TACC2: variants seen among roughly 807,000 people sequenced by gnomAD.
TACC2 encodes the protein transforming acidic coiled-coil containing protein 2, also known as transforming acidic coiled-coil-containing protein 2.
TACC2 carries 137 observed loss-of-function variants against 227.3 expected under a neutral mutation model. The observed-to-expected ratio is 0.60, with a 90% CI of 0.52 to 0.69. The LOEUF is 0.69. TACC2 is among the 30% of genes least tolerant of loss of function. The pLI is 0.00. For missense variants in TACC2, 3,470 were observed against 3,694.4 expected, an observed-to-expected ratio of 0.94 and a Z score of 1.57; for synonymous variants, 1,523 against 1,487.5, an observed-to-expected ratio of 1.02 and a Z score of -0.55.
Position 122,227,914 on chromosome 10 carries a change from C to G in TACC2, c.7802C>G (p.Pro2601Arg). The G allele has an allele frequency of 1.2e-6, 2 of 1,614,280 alleles. No homozygotes were observed. Among genetic ancestry groups the G allele is most frequent in the Non-Finnish European group, 1.7e-6 (2 of 1,180,050 alleles). Reference protein sequence around the residue: ...NQHPVPRGLAPNQESHLQVPE... With the variant: ...NQHPVPRGLARNQESHLQVPE... ...CATCCTGTCCCACGAGGACTGGCCC[C>G]TAACCAAGAGTCACACTTGCAGGTG... The change falls in exon 14 of 23, where the codon CCT becomes CGT. Residue 2601 changes from proline (P) to arginine (R), a missense_variant. Around this residue, in one of 10 missense-constraint regions of TACC2, gnomAD observed 345 missense variants for 354.4 expected, o/e 0.97. Coordinates refer to ENST00000369005, the MANE Select transcript of TACC2 (RefSeq NM_206862.4).
intron 5 of TACC2, among the ~76,000 whole-genome samples, chr10:122,120,858 C>T (rs912579942): frequency 3.3e-5 from 5 of 152,096 alleles, no homozygotes; most frequent in Admixed American, 1.3e-4. Context: ...CTCCGCTTCC[C>T]GGGTTCAAGT....
In TACC2 at chr10:122,084,831, G is replaced by A. The variant is rs769911320; in HGVS notation, c.2331G>A (p.Gly777=). The part of the protein sequence containing the change: ...CDASRQEFHA[G]VPHPPQGENL... ...CGTCGAGACAGGAATTTCATGCTGG[G>A]GTGCCACATCCCCCCCAGGGGGAGA... is the stretch of plus-strand genomic sequence containing the variant. Residue 777 remains glycine (G), a synonymous_variant, in exon 4 of 23, where the codon GGG becomes GGA. Transcript: ENST00000369005. 2.5e-6 allele frequency: 4 copies of A among 1,613,644 alleles called. No homozygotes were observed. In the African/African-American group the frequency reaches 5.3e-5, roughly 22 times the overall value.
At chr10:122,028,752 CT>C (rs1958435058) in intron 2 of TACC2, among the ~76,000 whole-genome samples, 1 of 119,100 alleles carries the variant, frequency 8.4e-6, no homozygotes, top group Non-Finnish European at 1.9e-5. Flanking sequence ...CCTCTCCTCC[CT>C]TCCCCTTCTG....
chr10:122,245,084 G>A (rs1377538055), intron 19 of TACC2: 8 of 152,152 alleles, frequency 5.3e-5, no homozygotes, highest in Non-Finnish European at 1.2e-4. Flanking sequence ...GTAAGTAAAC[G>A]CTTTTCCCCC....
In TACC2 at chr10:122,087,048, G is replaced by C; in HGVS notation, c.4548G>C (p.Lys1516Asn). 6.2e-7 allele frequency: 1 copy of C among 1,613,678 alleles called. No individual in the cohort carries two copies. The highest frequency in any genetic ancestry group is 1.3e-5 in the African/African-American group (1 of 75,076). The change falls in exon 4 of 23, where the codon AAG (lysine) becomes AAC (asparagine). Residue 1516 changes from lysine to asparagine, a missense_variant. By Grantham distance (94) the Lys-to-Asn change is moderately conservative (BLOSUM62 0). Transcript: ENST00000369005. The stretch of plus-strand genomic sequence containing the variant: ...ACTTGCCAGGTGCCGGTGTGGGGAA[G>C]GAGATGGCAGGTGTCCCACCCACAC... Reference protein sequence around the residue: ...ERNLPGAGVGKEMAGVPPTLR... With the variant: ...ERNLPGAGVGNEMAGVPPTLR...
chr10:122,037,892 G>C (rs943856994), intron 2 of TACC2, among the ~76,000 whole-genome samples: 1 of 151,496 alleles, frequency 6.6e-6, no homozygotes, highest in African/African-American at 2.4e-5. Flanking sequence ...AGGCTCCCAG[G>C]TGAGGCTTTT....
At position 122,254,207 on chromosome 10, in the gene TACC2, C is replaced by A. The variant is rs748877620; in HGVS notation, c.*151C>A. The A allele has an allele frequency of 1.9e-5, 14 of 732,414 alleles. No homozygotes were observed. Among genetic ancestry groups the A allele is most frequent in the Non-Finnish European group, 3.0e-5 (12 of 401,774 alleles). 45.4% of individuals were successfully genotyped at this position (732,414 alleles called of 1,614,324 possible). A position where few individuals can be genotyped will look rare whatever the true frequency, so the allele number is the denominator to read the frequency against. On this transcript the variant is annotated 3_prime_UTR_variant, in exon 23 of 23. Coordinates refer to ENST00000369005, the MANE Select transcript of TACC2 (RefSeq NM_206862.4). ...TAAATAAAATTGATTTGATTGTATG[C>A]AGTACTAAGGAGACTATCAGAATTT...
At chr10:122,179,923 T>C (rs1376752677) in intron 7 of TACC2, among the ~76,000 whole-genome samples, 4 of 148,638 alleles carry the variant, frequency 2.7e-5, no homozygotes. Flanking sequence ...CTACAAAAAA[T>C]AAAAAAAAAA....
chr10:122,036,236 A>G (rs1325217979), intron 2 of TACC2, among the ~76,000 whole-genome samples: 4 of 144,332 alleles, frequency 2.8e-5, no homozygotes, highest in Non-Finnish European at 4.5e-5. Context: ...TCTGTCACCC[A>G]GGATGGAGTG....
intron 7 of TACC2, among the ~76,000 whole-genome samples, chr10:122,153,733 A>T (rs897556475): frequency 1.8e-4 from 27 of 152,234 alleles, no homozygotes; most frequent in Non-Finnish European, 4.4e-5. Context: ...CCTCGATGTT[A>T]TGGAAGAGGA....
rs184592875 is a variant in TACC2 at position 122,101,342 on chromosome 10, C to G, written c.5573+12751C>G. ...ACATCTATCACTATTGGAAGGAGTC[C>G]CCTGCAATGGCAGGGACTGTGCCTG... On this transcript the variant is annotated intron_variant, in intron 5 of 22. Transcript: ENST00000369005. Among the ~76,000 whole-genome samples the G allele has an allele frequency of 3.7e-3, 570 of 152,228 alleles. 9 individuals carry two copies. The highest frequency in any genetic ancestry group is 3.1e-3 in the Non-Finnish European group (213 of 68,022).
chr10:122,085,182 G>A lies in TACC2; in HGVS notation c.2682G>A (p.Glu894=), dbSNP rs375029779. ...ACTTGCCCACTCATGGAGGACAGGAGCAGGCTTTGGGATCAGAACTTCAAA... is the reference window on the plus strand; with the variant it reads ...ACTTGCCCACTCATGGAGGACAGGAACAGGCTTTGGGATCAGAACTTCAAA... The part of the protein sequence containing the change: ...DNNLPTHGGQ[E]QALGSELQSQ... The change falls in exon 4 of 23, where the codon GAG becomes GAA. Residue 894 remains glutamate (E), a synonymous_variant. Transcript: ENST00000369005. The A allele has an allele frequency of 2.2e-5, 36 of 1,613,990 alleles. No homozygotes were observed. The highest frequency in any genetic ancestry group is 2.8e-5 in the Non-Finnish European group (33 of 1,180,050).
At chr10:122,088,078 A>G in intron 4 of TACC2, 119 bp downstream of exon 4, 1 of 1,110,126 alleles carries the variant, frequency 9.0e-7, no homozygotes, top group Non-Finnish European at 1.2e-6. Context: ...AGTTTTCCAT[A>G]TCTAATTGCT....
At chr10:122,046,923 C>T (rs2075070796) in intron 2 of TACC2, among the ~76,000 whole-genome samples, 1 of 152,074 alleles carries the variant, frequency 6.6e-6, no homozygotes, top group Non-Finnish European at 1.5e-5. Context: ...ATAAAAATGC[C>T]ACTCACTCAG....
intron 5 of TACC2, among the ~76,000 whole-genome samples, chr10:122,129,161 A>C (rs377503557): frequency 2.7e-5 from 4 of 150,858 alleles, no homozygotes; most frequent in East Asian, 2.0e-4. Context: ...GCTCACTGCA[A>C]TCTCCAACTC....
chr10:121,998,609 GCTGTGATGAGTGACTACT>G (rs570355860), intron 1 of TACC2, among the ~76,000 whole-genome samples: 1 of 152,176 alleles, frequency 6.6e-6, no homozygotes, highest in Non-Finnish European at 1.5e-5. Flanking sequence ...GGAGAGAGTG[GCTGTGATGAGTGACTACT>G]CTGAATTTGT....
chr10:122,235,129 C>T (rs1050904919), intron 16 of TACC2, among the ~76,000 whole-genome samples: 3 of 152,220 alleles, frequency 2.0e-5, no homozygotes, highest in African/African-American at 7.2e-5. Flanking sequence ...CTCTGTCACC[C>T]AGGCTGGAGT....
At chr10:122,163,709 G>A in intron 7 of TACC2, 1 of 1,126,362 alleles carries the variant, frequency 8.9e-7, no homozygotes, top group Non-Finnish European at 1.1e-6. Flanking sequence ...ACACTCGCGC[G>A]CACACATACG....
At chr10:122,204,574 G>A (rs1389212649) in intron 8 of TACC2, among the ~76,000 whole-genome samples, 1 of 152,236 alleles carries the variant, frequency 6.6e-6, no homozygotes, top group African/African-American at 2.4e-5. Flanking sequence ...GGTGGCCCAT[G>A]CCTGTCATCT....
Sources: gnomAD v4.1 joint callset for allele counts (sites outside exome capture counted in the v4.1 genomes callset) on GRCh38, gnomAD v4.1.1 for gene constraint, gnomAD v4.1.1 regional missense constraint, MANE v1.5 for transcripts, NCBI Gene and HGNC (gene_info 2026-07-23, HGNC 2026-07-21) for gene names.